The following ADAMTS19 variants were observed in gnomAD, a reference collection of about 807,000 sequenced individuals.
ADAMTS19 encodes the protein ADAM metallopeptidase with thrombospondin type 1 motif 19.
Under a neutral mutation model 153.3 loss-of-function variants are expected in ADAMTS19, and 93 were observed. The ratio of observed to expected loss-of-function variants is 0.61; its 90% CI spans 0.51 to 0.72. The LOEUF is 0.72. Among genes scored for constraint, ADAMTS19 ranks in the 30% least tolerant of loss-of-function variants. ADAMTS19 has a pLI of 0.00. For synonymous variants in ADAMTS19, 600 were observed against 556.6 expected, an observed-to-expected ratio of 1.08 and a Z score of -1.10; for missense variants, 1,482 against 1,552.1, an observed-to-expected ratio of 0.95 and a Z score of 0.76.
rs57111077 is a variant in ADAMTS19, at chr5:129,664,959, C to T, written c.2426-540C>T. On this transcript the variant is annotated intron_variant, in intron 15 of 22. Coordinates refer to ENST00000274487, the MANE Select transcript of ADAMTS19 (RefSeq NM_133638.6). ...TCAGAAATGACCCTAGATTGCTTGG[C>T]GCGACCTTACACTTTCTGTCTCCGG... Among the ~76,000 whole-genome samples the T allele has an allele frequency of 4.7e-4, 72 of 152,228 alleles. 1 individual carries two copies. In the East Asian group the frequency reaches 0.013, roughly 28 times the overall value.
At chr5:129,659,959 T>C (rs1753751021) in intron 15 of ADAMTS19, among the ~76,000 whole-genome samples, 1 of 152,202 alleles carries the variant, frequency 6.6e-6, no homozygotes, top group Non-Finnish European at 1.5e-5. Context: ...AAATTTCTTT[T>C]TGAAAAGAAC....
intron 8 of ADAMTS19, among the ~76,000 whole-genome samples, chr5:129,619,828 C>T (rs1180676870): frequency 1.3e-5 from 2 of 151,612 alleles, no homozygotes; most frequent in Non-Finnish European, 2.9e-5. Flanking sequence ...TTGCCTCTAA[C>T]AGTAAACAAA....
intron 3 of ADAMTS19, among the ~76,000 whole-genome samples, chr5:129,516,921 T>G (rs888167215): frequency 2.0e-5 from 3 of 149,506 alleles, no homozygotes; most frequent in African/African-American, 7.3e-5. Context: ...TAGGCACTTA[T>G]AAACTTCCCC....
intron 10 of ADAMTS19, among the ~76,000 whole-genome samples, chr5:129,626,054 C>T (rs1752029890): frequency 6.6e-6 from 1 of 151,998 alleles, no homozygotes. Context: ...ATTCTTATAA[C>T]CATTAAATAC....
chr5:129,627,505 A>G (rs766595451), intron 10 of ADAMTS19, among the ~76,000 whole-genome samples: 3 of 152,062 alleles, frequency 2.0e-5, no homozygotes, highest in Non-Finnish European at 4.4e-5. Flanking sequence ...AATTTGACAA[A>G]TGGGACCTAA....
rs747075161 is a variant in ADAMTS19, at chr5:129,608,090, ATGTG to A, written c.1478+11450_1478+11453del. 1.3e-3 allele frequency among the ~76,000 whole-genome samples: 138 copies of A among 104,530 alleles called. 3 individuals carry two copies. Among genetic ancestry groups the A allele is most frequent in the African/African-American group, 5.2e-3 (134 of 25,664 alleles). 68.6% of individuals were successfully genotyped at this position (104,530 alleles called of 152,430 possible). ...ATTATATAATTGGAATTTTATATATATGTGTGTGTGTGTGTGTGTGTGTGTGTAT... is the reference window on the plus strand; with the variant it reads ...ATTATATAATTGGAATTTTATATATATGTGTGTGTGTGTGTGTGTGTGTAT... On this transcript the variant is annotated intron_variant, in intron 8 of 22. Coordinates refer to ENST00000274487, the MANE Select transcript of ADAMTS19 (RefSeq NM_133638.6).
intron 2 of ADAMTS19, among the ~76,000 whole-genome samples, chr5:129,465,206 G>A (rs527857209): frequency 4.3e-4 from 65 of 151,558 alleles, no homozygotes; most frequent in Middle Eastern, 3.4e-3. Context: ...AGTACTTTAT[G>A]CTACTTTAAA....
intron 10 of ADAMTS19, among the ~76,000 whole-genome samples, chr5:129,622,734 AG>A (rs1751838205): frequency 6.6e-6 from 1 of 152,164 alleles, no homozygotes; most frequent in Admixed American, 6.6e-5. Flanking sequence ...CAGCTGCTAA[AG>A]TCCCTTATGA....
chr5:129,529,681 C>A (rs1009427216), intron 6 of ADAMTS19, among the ~76,000 whole-genome samples: 1 of 152,212 alleles, frequency 6.6e-6, no homozygotes, highest in East Asian at 1.9e-4. Context: ...AAGCTAGAAT[C>A]TAGGTAGAGC....
At chr5:129,487,101 G>C (rs1010354970) in intron 2 of ADAMTS19, among the ~76,000 whole-genome samples, 2 of 152,074 alleles carry the variant, frequency 1.3e-5, no homozygotes, top group Admixed American at 1.3e-4. Context: ...TAACAATTAG[G>C]GTAAAGTTAG....
intron 2 of ADAMTS19, among the ~76,000 whole-genome samples, chr5:129,477,231 A>G (rs1432406166): frequency 6.6e-6 from 1 of 152,214 alleles, no homozygotes; most frequent in Admixed American, 6.5e-5. Context: ...TCGAATGGTC[A>G]GAGGGAAACA....
chr5:129,579,685 A>G (rs1404068542), intron 7 of ADAMTS19, among the ~76,000 whole-genome samples: 3 of 152,186 alleles, frequency 2.0e-5, no homozygotes, highest in Non-Finnish European at 1.5e-5. Flanking sequence ...CCGTTTATTA[A>G]ATAGGGAATC....
chr5:129,614,718 T>G (rs1344738287), intron 8 of ADAMTS19, among the ~76,000 whole-genome samples: 2 of 152,050 alleles, frequency 1.3e-5, no homozygotes, highest in African/African-American at 4.8e-5. Flanking sequence ...ATAAAGGGTA[T>G]TCAATTAGGA....
chr5:129,713,474 A>C (rs1296936535), intron 21 of ADAMTS19, among the ~76,000 whole-genome samples: 1 of 152,178 alleles, frequency 6.6e-6, no homozygotes, highest in African/African-American at 2.4e-5. Context: ...AAAATGTAAC[A>C]AACAGGCTGG....
intron 14 of ADAMTS19, among the ~76,000 whole-genome samples, chr5:129,654,704 T>G (rs1252974527): frequency 6.6e-6 from 1 of 152,136 alleles, no homozygotes; most frequent in Non-Finnish European, 1.5e-5. Context: ...TATTACAGGT[T>G]TAAAATTGGA....
chr5:129,658,215 G>A (rs1436850539), intron 14 of ADAMTS19, among the ~76,000 whole-genome samples: 2 of 151,956 alleles, frequency 1.3e-5, no homozygotes, highest in Non-Finnish European at 2.9e-5. Flanking sequence ...CAGCCTGGGA[G>A]GCAGAGGTTG....
intron 3 of ADAMTS19, among the ~76,000 whole-genome samples, chr5:129,516,428 C>T (rs1751611017): frequency 6.6e-6 from 1 of 151,548 alleles, no homozygotes; most frequent in South Asian, 2.1e-4. Context: ...GCCATAGGGT[C>T]CTGGACTTGA....
At chr5:129,671,036 A>G (rs1001620984) in intron 16 of ADAMTS19, among the ~76,000 whole-genome samples, 1 of 152,174 alleles carries the variant, frequency 6.6e-6, no homozygotes, top group Non-Finnish European at 1.5e-5. Context: ...TGCTCTGGAG[A>G]TTAAATCAAT....
intron 6 of ADAMTS19, among the ~76,000 whole-genome samples, chr5:129,551,659 A>G (rs778763509): frequency 5.9e-5 from 9 of 151,842 alleles, no homozygotes; most frequent in South Asian, 2.1e-4. Context: ...CTAATGTCTG[A>G]GGATTAATTA....
Sources: gnomAD v4.1 joint callset for allele counts (sites outside exome capture counted in the v4.1 genomes callset) on GRCh38, gnomAD v4.1.1 for gene constraint, MANE v1.5 for transcripts, NCBI Gene and HGNC (gene_info 2026-07-23, HGNC 2026-07-21) for gene names.